The following TPM2 variants were observed in gnomAD, a reference collection of about 807,000 sequenced individuals.
The protein encoded by TPM2 is tropomyosin 2, also known as tropomyosin beta chain.
A neutral mutation model predicts 41.0 loss-of-function variants in TPM2; 26 were observed. That is an observed-to-expected ratio of 0.63 (90% CI 0.46 to 0.88). The LOEUF (loss-of-function observed/expected upper bound fraction) is 0.88. Ranked by LOEUF, TPM2 falls within the 40% of genes least tolerant of loss-of-function variation. The pLI is 0.00. For missense variants in TPM2, 187 were observed against 355.2 expected, an observed-to-expected ratio of 0.53 and a Z score of 3.81; for synonymous variants, 143 against 139.3, an observed-to-expected ratio of 1.03 and a Z score of -0.19.
At position 35,684,566 on chromosome 9, in the gene TPM2, A is replaced by C; in HGVS notation, c.640-16T>G. 5.6e-6 allele frequency: 9 copies of C among 1,614,078 alleles called. No homozygotes were observed. Among genetic ancestry groups the C allele is most frequent in the Non-Finnish European group, 7.6e-6 (9 of 1,179,988 alleles). ...TGGTGGAATACTTTTGGGGACACACACACGCCATCAGTACAGCGCTACCAC... is the reference window on the plus strand; with the variant it reads ...TGGTGGAATACTTTTGGGGACACACCCACGCCATCAGTACAGCGCTACCAC... On this transcript the variant is annotated splice_polypyrimidine_tract_variant and intron_variant, in intron 6 of 8. Transcript: ENST00000645482.
At chr9:35,689,107 G>C (rs1462514951) in intron 2 of TPM2, 39 bp downstream of exon 2, 2 of 1,613,546 alleles carry the variant, frequency 1.2e-6, no homozygotes, top group Non-Finnish European at 1.7e-6. Context: ...CCTTCCCAGA[G>C]CCCTAACTCC....
Position 35,689,256 on chromosome 9 carries a change from G to A in TPM2, c.130C>T (p.Gln44Ter). The change falls in exon 2 of 9, where the codon CAG (glutamine) becomes TAG (stop). Residue 44 changes from glutamine (Q) to a stop codon, truncating the protein, a stop_gained. Transcript: ENST00000645482. LOFTEE classifies it high-confidence loss of function. Reference sequence around the variant, plus strand: ...CCCTTCAGCTTCTTCTGGAGGGCCTGCTGCTCCTCCTCCAGCTGGGACAGA... The same window carrying A: ...CCCTTCAGCTTCTTCTGGAGGGCCTACTGCTCCTCCTCCAGCTGGGACAGA... Reference protein sequence around the residue: ...DRCKQLEEEQQALQKKLKGTE... With the variant: ...DRCKQLEEEQ 6.2e-7 allele frequency: 1 copy of A among 1,614,214 alleles called. No homozygotes were observed. Among genetic ancestry groups the A allele is most frequent in the Non-Finnish European group, 8.5e-7 (1 of 1,180,030 alleles).
intron 5 of TPM2, 21 bp from the exon 6 acceptor site, chr9:35,684,828 G>T (rs201630588): frequency 1.9e-6 from 3 of 1,613,548 alleles, no homozygotes; most frequent in East Asian, 2.2e-5. Context: ...TGTGTGGCGG[G>T]GGGGGCAGGG....
downstream of TPM2, chr9:35,682,104 G>A (rs1377405177): frequency 1.2e-6 from 2 of 1,614,018 alleles, no homozygotes; most frequent in Non-Finnish European, 1.7e-6. Flanking sequence ...AGTTCCAGCA[G>A]GGTCTGGTCC....
Position 35,684,480 on chromosome 9 carries a change from A to G in TPM2, c.702+8T>C. On this transcript the variant is annotated splice_region_variant and intron_variant, in intron 7 of 8. Coordinates refer to ENST00000645482, the MANE Select transcript of TPM2 (RefSeq NM_003289.4). ...AGGGGAGACTGGGAACTGGAAGAGG[A>G]CTCTCACCTCCTTCAGCTTCTCCTC... 1 of 1,613,428 alleles carries G rather than the reference A, an allele frequency of 6.2e-7. No individual in the cohort carries two copies. The highest frequency in any genetic ancestry group is 2.2e-5 in the East Asian group (1 of 44,868).
At chr9:35,682,680 T>C (rs1824637113), downstream of TPM2, 5 of 1,311,802 alleles carry the variant, frequency 3.8e-6, no homozygotes, top group Non-Finnish European at 5.0e-6. Context: ...CTAAGTGCTC[T>C]GAGGTCAGGG....
upstream of TPM2, chr9:35,690,043 G>A: frequency 1.1e-5 from 15 of 1,363,890 alleles, no homozygotes; most frequent in South Asian, 1.5e-5. Flanking sequence ...GGCCCGGCCG[G>A]GGGGTGCGGC....
In TPM2 at chr9:35,684,234, G is replaced by A. The variant is rs1255529314; in HGVS notation, c.772+12C>T. 1.2e-6 allele frequency: 2 copies of A among 1,613,594 alleles called. No homozygotes were observed. Among genetic ancestry groups the A allele is most frequent in the Non-Finnish European group, 1.7e-6 (2 of 1,179,654 alleles). ...CGGCAGGTGTGGACCTACTTATAAAGGCTTCTTTTACCTTCTAGGTCATCG... is the reference window on the plus strand; with the variant it reads ...CGGCAGGTGTGGACCTACTTATAAAAGCTTCTTTTACCTTCTAGGTCATCG... On this transcript the variant is annotated intron_variant, in intron 8 of 8. Coordinates refer to ENST00000645482, the MANE Select transcript of TPM2 (RefSeq NM_003289.4).
intron 1 of TPM2, 98 bp downstream of exon 1, chr9:35,689,606 A>G: frequency 6.3e-7 from 1 of 1,590,380 alleles, no homozygotes; most frequent in Non-Finnish European, 8.5e-7. Context: ...GGTGAGAGAG[A>G]GCCTTGGCGG....
chr9:35,682,614 T>C, downstream of TPM2: 3 of 1,296,886 alleles, frequency 2.3e-6, no homozygotes, highest in Non-Finnish European at 3.0e-6. Flanking sequence ...GCCCCTGTCC[T>C]GCACCTCACC....
chr9:35,685,194 C>CTAGG lies in TPM2; in HGVS notation c.563+71_563+74dup. ...AGGGCCTGTCCCTACAGCCCCAAGC[C>CTAGG]TAGGATGCTACCTTCCCACTGTGTG... On this transcript the variant is annotated intron_variant, in intron 5 of 8. Coordinates refer to ENST00000645482, the MANE Select transcript of TPM2 (RefSeq NM_003289.4). This position sits in a 1 kb window ranked among gnomAD's most constrained non-coding sequence, Gnocchi z 5.0. 2 of 1,614,164 alleles carry CTAGG rather than the reference C, an allele frequency of 1.2e-6. No individual in the cohort carries two copies. The highest frequency in any genetic ancestry group is 4.5e-5 in the East Asian group (2 of 44,866).
downstream of TPM2, chr9:35,682,149 C>T (rs1356074198): frequency 6.2e-6 from 10 of 1,614,094 alleles, no homozygotes; most frequent in Non-Finnish European, 8.5e-6. Context: ...TCCTCCTTGG[C>T]ACTGGCCAAG....
intron 2 of TPM2, among the ~76,000 whole-genome samples, chr9:35,688,399 C>G (rs1246667960): frequency 6.6e-6 from 1 of 152,212 alleles, no homozygotes; most frequent in African/African-American, 2.4e-5. Flanking sequence ...GGGGAAACTA[C>G]CACCACACCA....
downstream of TPM2, chr9:35,682,877 T>C: frequency 6.8e-7 from 1 of 1,460,014 alleles, no homozygotes; most frequent in Non-Finnish European, 9.2e-7. Flanking sequence ...AGTGAACCAG[T>C]GCTCCGTGGT....
At chr9:35,682,484 A>G (rs1347467520), downstream of TPM2, 1 of 1,293,584 alleles carries the variant, frequency 7.7e-7, no homozygotes, top group Non-Finnish European at 9.9e-7. Flanking sequence ...GCGCCAGGAA[A>G]GGAAGGGCCA....
chr9:35,689,976 G>C (rs1825166997), upstream of TPM2: 2 of 1,510,292 alleles, frequency 1.3e-6, no homozygotes, highest in Non-Finnish European at 1.8e-6. Flanking sequence ...GACCGGGCGG[G>C]GCCGGCAACC....
At chr9:35,687,533 G>A (rs1824990863) in intron 2 of TPM2, among the ~76,000 whole-genome samples, 4 of 152,134 alleles carry the variant, frequency 2.6e-5, no homozygotes, top group Admixed American at 2.6e-4. Context: ...GGACTGTAGG[G>A]CAGGAGAAAC....
At chr9:35,684,952 G>A (rs1487098460) in intron 5 of TPM2, 145 bp from the exon 6 acceptor site, 3 of 1,611,936 alleles carry the variant, frequency 1.9e-6, no homozygotes, top group South Asian at 1.1e-5. Flanking sequence ...AGAAGCCCCA[G>A]GCCCTTCCTG....
chr9:35,689,944 G>T (rs1367523255), upstream of TPM2: 22 of 1,578,482 alleles, frequency 1.4e-5, no homozygotes, highest in Non-Finnish European at 1.9e-5. Context: ...CCGGCCACGC[G>T]GGCGCCTAAA....
Sources: allele counts gnomAD v4.1 joint callset (sites outside exome capture counted in the v4.1 genomes callset), GRCh38; gene constraint gnomAD v4.1.1; non-coding constraint Gnocchi (gnomAD v3.1); transcripts MANE v1.5; gene names NCBI Gene and HGNC (gene_info 2026-07-23, HGNC 2026-07-21).